The following ASAP2 variants were observed in gnomAD, a reference collection of about 807,000 sequenced individuals.
ASAP2 encodes the protein ArfGAP with SH3 domain, ankyrin repeat and PH domain 2.
A neutral mutation model predicts 131.4 loss-of-function variants in ASAP2; 45 were observed. That is an observed-to-expected ratio of 0.34 (90% CI 0.27 to 0.44). The LOEUF (loss-of-function observed/expected upper bound fraction) is 0.44. Among genes scored for constraint, ASAP2 ranks in the 20% least tolerant of loss-of-function variants. The pLI, the probability that ASAP2 is intolerant of heterozygous loss-of-function variation, is 1.00. For missense variants in ASAP2, 1,011 were observed against 1,297.0 expected (o/e 0.78, Z 3.39); for synonymous variants, 510 against 503.0 (o/e 1.01, Z -0.19).
Position 9,376,889 on chromosome 2 carries a change from C to G in ASAP2, c.1747-19C>G, listed in dbSNP as rs1230164375. 2 of 1,611,222 alleles carry G rather than the reference C, an allele frequency of 1.2e-6. No individual in the cohort carries two copies. The highest frequency in any genetic ancestry group is 1.7e-6 in the Non-Finnish European group (2 of 1,177,576). ...ATGCTCCCATTAGAATTCTGGAATG[C>G]CTTTGTTTGGTTTTTCAGGAGCCGG... On this transcript the variant is annotated intron_variant, in intron 17 of 27. Transcript: ENST00000281419.
chr2:9,348,671 C>T (rs1174869036), intron 11 of ASAP2, among the ~76,000 whole-genome samples: 3 of 152,182 alleles, frequency 2.0e-5, no homozygotes, highest in South Asian at 2.1e-4. Flanking sequence ...TTTATGTCTT[C>T]ATAAATTATT....
intron 1 of ASAP2, chr2:9,271,767 A>AT (rs964190719): frequency 0.019 from 6,160 of 322,342 alleles, no homozygotes; most frequent in East Asian, 0.032. Flanking sequence ...GGTGGTTTTA[A>AT]TTTTTTTTTT....
intron 1 of ASAP2, among the ~76,000 whole-genome samples, chr2:9,234,472 G>T (rs933547467): frequency 6.6e-6 from 1 of 152,152 alleles, no homozygotes; most frequent in Non-Finnish European, 1.5e-5. Context: ...CCTTGCAGGG[G>T]CCTTGATAAT....
At chr2:9,330,892 A>G (rs1670789599) in intron 7 of ASAP2, among the ~76,000 whole-genome samples, 1 of 152,224 alleles carries the variant, frequency 6.6e-6, no homozygotes, top group South Asian at 2.1e-4. Flanking sequence ...TGAATCTTCC[A>G]TTACTTCGTT....
At chr2:9,335,721 C>T (rs530806212) in intron 9 of ASAP2, among the ~76,000 whole-genome samples, 5 of 152,276 alleles carry the variant, frequency 3.3e-5, no homozygotes, top group African/African-American at 7.2e-5. Flanking sequence ...TGTGCTAACA[C>T]GTCAGCAGGG....
In ASAP2 at chr2:9,262,132, G is replaced by A. The variant is rs375560832; in HGVS notation, c.127-17185G>A. On this transcript the variant is annotated intron_variant, in intron 1 of 27. Transcript: ENST00000281419. ...CTCAGTAGCTGGGAATGATAGGCGC[G>A]TGCCATCATGCCTGTATGAAGTTTT... is the stretch of plus-strand genomic sequence containing the variant. Among the ~76,000 whole-genome samples, 11 of 152,278 alleles carry A rather than the reference G, an allele frequency of 7.2e-5. No homozygotes were observed. The East Asian group carries it at 7.7e-4, about 11-fold the overall frequency.
Position 9,207,358 on chromosome 2 carries a change from C to T in ASAP2, c.126+128C>T, listed in dbSNP as rs1412711960. On this transcript the variant is annotated intron_variant, in intron 1 of 27. Coordinates refer to ENST00000281419, the MANE Select transcript of ASAP2 (RefSeq NM_003887.3). This position sits in a 1 kb window ranked among gnomAD's most constrained non-coding sequence, Gnocchi z 4.1. ...GCCGGACGCGGCCGGGCCAACCCTGCCCGAGACAGAAGCCCTTTGTTCCCG... is the reference window on the plus strand; with the variant it reads ...GCCGGACGCGGCCGGGCCAACCCTGTCCGAGACAGAAGCCCTTTGTTCCCG... 2.3e-5 allele frequency: 30 copies of T among 1,293,764 alleles called. No homozygotes were observed. Among genetic ancestry groups the T allele is most frequent in the Non-Finnish European group, 2.9e-5 (29 of 987,918 alleles). 80.1% of individuals were successfully genotyped at this position (1,293,764 alleles called of 1,614,324 possible).
intron 15 of ASAP2, among the ~76,000 whole-genome samples, chr2:9,362,489 T>TA (rs1378836741): frequency 2.6e-5 from 4 of 152,224 alleles, no homozygotes; most frequent in African/African-American, 9.7e-5. Flanking sequence ...TAAATCAAGC[T>TA]AGTTAACATA....
At chr2:9,316,681 C>T (rs1669693313) in intron 3 of ASAP2, among the ~76,000 whole-genome samples, 1 of 152,150 alleles carries the variant, frequency 6.6e-6, no homozygotes, top group African/African-American at 2.4e-5. Context: ...GAAGGCTCTT[C>T]CTGACTGAAG....
rs187937651 is a variant in ASAP2 at position 9,212,498 on chromosome 2, C to A, written c.126+5268C>A. 2.0e-5 allele frequency among the ~76,000 whole-genome samples: 3 copies of A among 152,246 alleles called. No homozygotes were observed. The East Asian group carries it at 5.8e-4, about 29-fold the overall frequency. On this transcript the variant is annotated intron_variant, in intron 1 of 27. Transcript: ENST00000281419. ...CTCCCTGCCTTAGGTAAATATTGAT[C>A]TACTCCTGAGGTGGTGGCCAGCTCG... is the stretch of plus-strand genomic sequence containing the variant.
chr2:9,231,456 C>T (rs977425151), intron 1 of ASAP2, among the ~76,000 whole-genome samples: 21 of 152,190 alleles, frequency 1.4e-4, no homozygotes, highest in African/African-American at 4.1e-4. Context: ...CGTCATGACT[C>T]GGTACCTGCT....
At chr2:9,282,823 C>T (rs974707599) in intron 2 of ASAP2, among the ~76,000 whole-genome samples, 1 of 152,236 alleles carries the variant, frequency 6.6e-6, no homozygotes, top group Admixed American at 6.5e-5. Context: ...CCTGATTTGT[C>T]ACAGATTGGC....
At chr2:9,279,512 A>C in intron 2 of ASAP2, 123 bp downstream of exon 2, 1 of 848,312 alleles carries the variant, frequency 1.2e-6, no homozygotes, top group Non-Finnish European at 1.9e-6. Flanking sequence ...GGGCATGCAG[A>C]TCACAGAGGT....
intron 1 of ASAP2, among the ~76,000 whole-genome samples, chr2:9,233,258 A>G (rs1161382480): frequency 6.6e-6 from 1 of 152,238 alleles, no homozygotes; most frequent in Non-Finnish European, 1.5e-5. Flanking sequence ...AGAGTCTATC[A>G]GATAGTGAAG....
At chr2:9,295,267 C>T (rs1448022850) in intron 2 of ASAP2, among the ~76,000 whole-genome samples, 1 of 152,208 alleles carries the variant, frequency 6.6e-6, no homozygotes, top group Non-Finnish European at 1.5e-5. Flanking sequence ...CCAGCTCTGC[C>T]ACTTTCTGTG....
At chr2:9,265,253 G>A (rs1435710247) in intron 1 of ASAP2, among the ~76,000 whole-genome samples, 3 of 152,242 alleles carry the variant, frequency 2.0e-5, no homozygotes, top group Non-Finnish European at 4.4e-5. Context: ...AAAGCATGTG[G>A]GAGGATGTGT....
rs1410220037 is a variant in ASAP2, at chr2:9,247,936, A to G, written c.127-31381A>G. ...TAACCTCTTTATGATGTATCCTCCC[A>G]GCTCTCAGGCATAATTATGCTCCAC... On this transcript the variant is annotated intron_variant, in intron 1 of 27. Transcript: ENST00000281419. Among the ~76,000 whole-genome samples the G allele has an allele frequency of 3.3e-5, 5 of 152,158 alleles. No homozygotes were observed. The East Asian group carries it at 9.6e-4, about 29-fold the overall frequency.
intron 3 of ASAP2, among the ~76,000 whole-genome samples, chr2:9,308,518 G>T (rs1339378087): frequency 6.6e-6 from 1 of 152,136 alleles, no homozygotes; most frequent in Non-Finnish European, 1.5e-5. Context: ...GAGTTTCCTT[G>T]TATGTACCTG....
chr2:9,402,694 C>G (rs956726740), intron 27 of ASAP2, among the ~76,000 whole-genome samples: 1 of 152,212 alleles, frequency 6.6e-6, no homozygotes, highest in African/African-American at 2.4e-5. Flanking sequence ...CCACAAAAAG[C>G]CCACCATTCA....
Sources: gnomAD v4.1 joint callset for allele counts (sites outside exome capture counted in the v4.1 genomes callset) on GRCh38, gnomAD v4.1.1 for gene constraint, Gnocchi (gnomAD v3.1) non-coding constraint, MANE v1.5 for transcripts, NCBI Gene and HGNC (gene_info 2026-07-23, HGNC 2026-07-21) for gene names.